BLOC1S5: variants seen among roughly 807,000 people sequenced by gnomAD.
The protein encoded by BLOC1S5 is biogenesis of lysosome-related organelles complex 1 subunit 5.
A neutral mutation model predicts 24.3 loss-of-function variants in BLOC1S5; 27 were observed. The observed-to-expected ratio is 1.11, with a 90% CI of 0.82 to 1.53. The LOEUF (loss-of-function observed/expected upper bound fraction) is 1.53, where lower values mean the gene tolerates loss of function less well. BLOC1S5 is among the 40% of genes most tolerant of loss of function. The pLI is 0.00. For missense variants in BLOC1S5, 239 were observed against 229.4 expected, an observed-to-expected ratio of 1.04 and a Z score of -0.27; for synonymous variants, 84 against 74.5, an observed-to-expected ratio of 1.13 and a Z score of -0.66.
intron 2 of BLOC1S5, among the ~76,000 whole-genome samples, chr6:8,044,465 C>A (rs939847348): frequency 6.6e-6 from 1 of 151,820 alleles, no homozygotes; most frequent in East Asian, 1.9e-4. Flanking sequence ...TAGAGTGGGG[C>A]GTGGCTGAAA....
At chr6:8,043,422 G>A (rs558110705) in intron 2 of BLOC1S5, among the ~76,000 whole-genome samples, 1 of 152,074 alleles carries the variant, frequency 6.6e-6, no homozygotes, top group African/African-American at 2.4e-5. Flanking sequence ...TCATCTCTGT[G>A]GTATTCTTTC....
rs950882052 is a variant in BLOC1S5, at chr6:8,026,294, C to A, written c.384+73G>T. On this transcript the variant is annotated intron_variant, in intron 4 of 4. Coordinates refer to ENST00000397457, the MANE Select transcript of BLOC1S5 (RefSeq NM_201280.3). ...CACTGCATTCAGAGAATTTTCTGAT[C>A]AAAAGCAATTGCTAATAATATGATA... The A allele has an allele frequency of 3.2e-6, 4 of 1,266,670 alleles. No individual in the cohort carries two copies. In the African/African-American group the frequency reaches 5.9e-5, roughly 19 times the overall value. 78.5% of individuals were successfully genotyped at this position (1,266,670 alleles called of 1,614,324 possible). A position where few individuals can be genotyped will look rare whatever the true frequency, so the allele number is the denominator to read the frequency against.
intron 2 of BLOC1S5, among the ~76,000 whole-genome samples, chr6:8,058,484 G>C (rs1764399100): frequency 6.7e-6 from 1 of 149,020 alleles, no homozygotes; most frequent in Admixed American, 6.8e-5. Flanking sequence ...ACATGTACAA[G>C]AGAATGGTCT....
Position 8,015,826 on chromosome 6 carries a change from A to T in BLOC1S5, c.387T>A (p.Ile129=), listed in dbSNP as rs184406880. Reference sequence around the variant, plus strand: ...CACTAGCTACTAAGTGGTCACTATGAATCTGAGAAAAGAAAATTAGAAAGT... The same window carrying T: ...CACTAGCTACTAAGTGGTCACTATGTATCTGAGAAAAGAAAATTAGAAAGT... ...LQQREQERKK[I]HSDHLVASEK... The change falls in exon 5 of 5, where the codon ATT becomes ATA. Residue 129 remains isoleucine, a splice_region_variant and synonymous_variant. Coordinates refer to ENST00000397457, the MANE Select transcript of BLOC1S5 (RefSeq NM_201280.3). 1.3e-6 allele frequency: 2 copies of T among 1,595,654 alleles called. No homozygotes were observed. Among genetic ancestry groups the T allele is most frequent in the East Asian group, 4.5e-5 (2 of 44,744 alleles).
intron 2 of BLOC1S5, among the ~76,000 whole-genome samples, chr6:8,060,346 GAAAGACAAGT>G (rs1351578255): frequency 1.3e-5 from 2 of 152,186 alleles, no homozygotes; most frequent in Non-Finnish European, 2.9e-5. Flanking sequence ...AATAAAGTCT[GAAAGACAAGT>G]AGAGGTCAGA....
chr6:8,039,631 A>T (rs201380816), intron 3 of BLOC1S5, among the ~76,000 whole-genome samples: 2 of 44,060 alleles, frequency 4.5e-5, no homozygotes. Context: ...TATTAGCTTT[A>T]AAAAAAAAAA....
intron 2 of BLOC1S5, among the ~76,000 whole-genome samples, chr6:8,047,417 T>C (rs2113578724): frequency 6.6e-6 from 1 of 152,208 alleles, no homozygotes; most frequent in Non-Finnish European, 1.5e-5. Flanking sequence ...CATCTCTCTA[T>C]AAAAGACATT....
At chr6:8,025,400 G>A (rs1207473551) in intron 4 of BLOC1S5, among the ~76,000 whole-genome samples, 2 of 152,166 alleles carry the variant, frequency 1.3e-5, no homozygotes, top group African/African-American at 4.8e-5. Flanking sequence ...AAACTTCCCT[G>A]ACCACAGCTC....
chr6:8,018,968 C>A (rs555111616), intron 4 of BLOC1S5, among the ~76,000 whole-genome samples: 1 of 152,328 alleles, frequency 6.6e-6, no homozygotes, highest in East Asian at 1.9e-4. Flanking sequence ...AACCATTTGG[C>A]TACAAGAACA....
At chr6:8,028,111 T>A (rs1260573651) in intron 3 of BLOC1S5, among the ~76,000 whole-genome samples, 2 of 152,166 alleles carry the variant, frequency 1.3e-5, no homozygotes, top group Non-Finnish European at 2.9e-5. Context: ...CTAATTGTTT[T>A]ACAATTATGT....
chr6:8,034,487 G>A (rs1182320452), intron 3 of BLOC1S5, among the ~76,000 whole-genome samples: 1 of 152,188 alleles, frequency 6.6e-6, no homozygotes, highest in Non-Finnish European at 1.5e-5. Context: ...GGCGGGTGGA[G>A]GGCTGGGGAA....
intron 3 of BLOC1S5, among the ~76,000 whole-genome samples, chr6:8,033,878 A>G (rs1763388759): frequency 6.6e-6 from 1 of 152,260 alleles, no homozygotes; most frequent in Admixed American, 6.5e-5. Context: ...ACATGAAAAA[A>G]TGCTCATCGT....
intron 2 of BLOC1S5, among the ~76,000 whole-genome samples, chr6:8,047,158 TCTCACACACACACA>T (rs1561866846): frequency 5.2e-5 from 3 of 57,998 alleles, no homozygotes; most frequent in Admixed American, 1.7e-4. Context: ...TCTCTCTCTC[TCTCACACACACACA>T]CACACACACA....
intron 4 of BLOC1S5, among the ~76,000 whole-genome samples, chr6:8,021,771 C>A (rs779373805): frequency 1.3e-5 from 2 of 151,996 alleles, no homozygotes; most frequent in Non-Finnish European, 2.9e-5. Flanking sequence ...AAATTTAAAT[C>A]AAGTTTCAGT....
At chr6:8,060,896 C>T (rs1764487461) in intron 2 of BLOC1S5, among the ~76,000 whole-genome samples, 1 of 152,172 alleles carries the variant, frequency 6.6e-6, no homozygotes. Flanking sequence ...GCGTTCTCGG[C>T]TCACTGCAAC....
At chr6:8,060,657 C>G (rs1020112733) in intron 2 of BLOC1S5, among the ~76,000 whole-genome samples, 3 of 152,036 alleles carry the variant, frequency 2.0e-5, no homozygotes, top group African/African-American at 7.2e-5. Context: ...GGTAGATTTG[C>G]TGATAATGTG....
chr6:8,037,866 T>C (rs1763540326), intron 3 of BLOC1S5, among the ~76,000 whole-genome samples: 2 of 151,906 alleles, frequency 1.3e-5, no homozygotes, highest in African/African-American at 4.8e-5. Context: ...ACCAAGAACA[T>C]ACAATGGGGA....
At chr6:8,041,089 G>T in intron 3 of BLOC1S5, 50 bp downstream of exon 3, 1 of 1,542,856 alleles carries the variant, frequency 6.5e-7, no homozygotes, top group Non-Finnish European at 8.8e-7. Context: ...ACATTTTGGT[G>T]TAGCATTCAT....
At position 8,038,731 on chromosome 6, in the gene BLOC1S5, G is replaced by A. The variant is rs943547339; in HGVS notation, c.325+2408C>T. Among the ~76,000 whole-genome samples, 20 of 152,268 alleles carry A rather than the reference G, an allele frequency of 1.3e-4. No individual in the cohort carries two copies. The East Asian group carries it at 3.5e-3, about 27-fold the overall frequency. On this transcript the variant is annotated intron_variant, in intron 3 of 4. Transcript: ENST00000397457. ...GATCTCCTGACCTCATGATCCACCC[G>A]CCTCGGCCTCCCAAAGTGCTGGGAT...
Sources: gnomAD v4.1 joint callset for allele counts (sites outside exome capture counted in the v4.1 genomes callset) on GRCh38, gnomAD v4.1.1 for gene constraint, MANE v1.5 for transcripts, NCBI Gene and HGNC (gene_info 2026-07-23, HGNC 2026-07-21) for gene names.